Variants in R3HDM4 observed in about 807,000 individuals in gnomAD.
R3HDM4 encodes R3H domain-containing protein 4.
R3HDM4 carries 30 observed loss-of-function variants against 31.3 expected under a neutral mutation model. That is an observed-to-expected ratio of 0.96 (90% CI 0.72 to 1.30). The LOEUF is 1.30. Among genes scored for constraint, R3HDM4 ranks in the 50% most tolerant of loss-of-function variants. The pLI, the probability that R3HDM4 is intolerant of heterozygous loss-of-function variation, is 0.00. For synonymous variants in R3HDM4, 196 were observed against 156.6 expected (o/e 1.25, Z -1.88); for missense variants, 444 against 366.1 (o/e 1.21, Z -1.74).
chr19:900,037 G>T (rs756530864), intron 5 of R3HDM4, 24 bp downstream of exon 5: 99 of 1,608,866 alleles, frequency 6.2e-5, no homozygotes, highest in Middle Eastern at 5.0e-4. Context: ...GTAGAAAAGG[G>T]AGGCCCGGCA....
intron 7 of R3HDM4, among the ~76,000 whole-genome samples, chr19:898,375 A>C (rs2036771635): frequency 7.1e-6 from 1 of 140,588 alleles, no homozygotes; most frequent in Admixed American, 7.3e-5. Context: ...ACTGCACTCC[A>C]GCATGGGTGA....
At chr19:909,291 G>C (rs1362105589) in intron 1 of R3HDM4, among the ~76,000 whole-genome samples, 1 of 152,158 alleles carries the variant, frequency 6.6e-6, no homozygotes, top group Non-Finnish European at 1.5e-5. Context: ...ACCCACTAGA[G>C]ACAGCAAGAG....
At chr19:900,433 C>G (rs2036813069) in intron 4 of R3HDM4, among the ~76,000 whole-genome samples, 1 of 150,344 alleles carries the variant, frequency 6.7e-6, no homozygotes, top group African/African-American at 2.5e-5. Context: ...GCTAGCCCCA[C>G]CCCTACCCAC....
chr19:900,834 C>G lies in R3HDM4; in HGVS notation c.470G>C (p.Arg157Thr). The G allele has an allele frequency of 3.2e-6, 5 of 1,540,862 alleles. No individual in the cohort carries two copies. The highest frequency in any genetic ancestry group is 4.4e-6 in the Non-Finnish European group (5 of 1,144,204). The change falls in exon 4 of 8, where the codon AGG becomes ACG. Residue 157 changes from arginine (R) to threonine (T), a missense_variant. By Grantham distance (71) the Arg-to-Thr change is moderately conservative. Transcript: ENST00000361574. ...RRGPGRGEDR[R>T]REDPAYTPRE... Reference sequence around the variant, plus strand: ...CGCCCCAGCCAGGCCCGCACCTCTCCTCCGGTCCTCCCCACGGCCAGGGCC... The same window carrying G: ...CGCCCCAGCCAGGCCCGCACCTCTCGTCCGGTCCTCCCCACGGCCAGGGCC...
intron 3 of R3HDM4, 195 bp downstream of exon 3, chr19:901,227 G>A (rs886899281): frequency 1.5e-6 from 1 of 686,228 alleles, no homozygotes; most frequent in African/African-American, 1.8e-5. Flanking sequence ...GGTGAATCCA[G>A]GAGCTCGAAG....
At chr19:912,432 T>G (rs1228990619) in intron 1 of R3HDM4, among the ~76,000 whole-genome samples, 2 of 62,236 alleles carry the variant, frequency 3.2e-5, no homozygotes, top group Non-Finnish European at 5.8e-5. Flanking sequence ...ACCAGGGAGT[T>G]GGGGGGTGGA....
At chr19:910,757 G>A (rs2036960949) in intron 1 of R3HDM4, among the ~76,000 whole-genome samples, 1 of 152,134 alleles carries the variant, frequency 6.6e-6, no homozygotes, top group Non-Finnish European at 1.5e-5. Context: ...AGATGGGTAT[G>A]GCCTCTGAGT....
rs754932134 is a variant in R3HDM4 at position 899,349 on chromosome 19, C to T, written c.703+91G>A. 2 of 1,360,378 alleles carry T rather than the reference C, an allele frequency of 1.5e-6. No homozygotes were observed. Among genetic ancestry groups the T allele is most frequent in the Non-Finnish European group, 1.0e-6 (1 of 955,354 alleles). 84.3% of individuals were successfully genotyped at this position (1,360,378 alleles called of 1,614,324 possible). On this transcript the variant is annotated intron_variant, in intron 7 of 7. Transcript: ENST00000361574. This position sits in a 1 kb window ranked among gnomAD's most constrained non-coding sequence, Gnocchi z 6.8. ...CCCCCTTCCCCACCTCCCCACCAAG[C>T]CCCACTCTGAGGAACCAGGCCCCTG...
In R3HDM4 at chr19:900,967, G is replaced by C. The variant is rs2036828423; in HGVS notation, c.352-15C>G. The C allele has an allele frequency of 6.4e-7, 1 of 1,557,030 alleles. No individual in the cohort carries two copies. Among genetic ancestry groups the C allele is most frequent in the African/African-American group, 1.4e-5 (1 of 72,788 alleles). On this transcript the variant is annotated splice_polypyrimidine_tract_variant and intron_variant, in intron 3 of 7. Coordinates refer to ENST00000361574, the MANE Select transcript of R3HDM4 (RefSeq NM_138774.4). ...TCGTTCCAGACCTGGAAGAGAGGCAGGGAGGCAGGCTTGCCATGAAACACT... is the reference window on the plus strand; with the variant it reads ...TCGTTCCAGACCTGGAAGAGAGGCACGGAGGCAGGCTTGCCATGAAACACT...
chr19:902,065 C>G lies in R3HDM4; in HGVS notation c.137G>C (p.Arg46Pro), dbSNP rs141684950. Residue 46 changes from arginine to proline, a missense_variant, in exon 2 of 8, where the codon CGG (arginine) becomes CCG (proline). By Grantham distance (103) the Arg-to-Pro change is moderately radical. Coordinates refer to ENST00000361574, the MANE Select transcript of R3HDM4 (RefSeq NM_138774.4). The stretch of plus-strand genomic sequence containing the variant: ...TGCCTGGTTGATGAAGTGCTGTTTC[C>G]GCCTGGAAGCCGAGAGTCTCTTCAC... The part of the protein sequence containing the change: ...SQVKRLSASR[R>P]KQHFINQAVR... The G allele has an allele frequency of 1.2e-5, 19 of 1,613,756 alleles. No individual in the cohort carries two copies. The highest frequency in any genetic ancestry group is 1.6e-5 in the Non-Finnish European group (19 of 1,180,024).
intron 1 of R3HDM4, among the ~76,000 whole-genome samples, chr19:911,820 T>A (rs2036974468): frequency 6.6e-6 from 1 of 151,968 alleles, no homozygotes; most frequent in Non-Finnish European, 1.5e-5. Context: ...ACGCGCGGGC[T>A]CCTGCTTGCC....
Position 913,067 on chromosome 19 carries a change from CCCCG to C in R3HDM4, c.71+16_71+19del. The stretch of plus-strand genomic sequence containing the variant: ...CAGCCCGCCCCCGGCGCCCGCCGCG[CCCCG>C]CCCGCCCGCGCTCACAGCAGCCGCC... On this transcript the variant is annotated intron_variant, in intron 1 of 7. Coordinates refer to ENST00000361574, the MANE Select transcript of R3HDM4 (RefSeq NM_138774.4). This position sits in a 1 kb window ranked among gnomAD's most constrained non-coding sequence, Gnocchi z 5.0. 1.6e-5 allele frequency: 16 copies of C among 1,024,146 alleles called. No homozygotes were observed. Among genetic ancestry groups the C allele is most frequent in the Non-Finnish European group, 1.5e-5 (13 of 852,710 alleles). The allele number at this position is 1,024,146 out of a possible 1,614,324, so 63.4% of individuals were successfully genotyped here. A position where few individuals can be genotyped will look rare whatever the true frequency, so the allele number is the denominator to read the frequency against.
At chr19:905,919 G>A (rs2036898195) in intron 1 of R3HDM4, among the ~76,000 whole-genome samples, 1 of 152,180 alleles carries the variant, frequency 6.6e-6, no homozygotes, top group African/African-American at 2.4e-5. Context: ...GCCCAGGCAA[G>A]CCTGGCAACT....
At chr19:903,221 T>C (rs1412959983) in intron 1 of R3HDM4, among the ~76,000 whole-genome samples, 1 of 140,778 alleles carries the variant, frequency 7.1e-6, no homozygotes, top group African/African-American at 2.5e-5. Flanking sequence ...CTCAAGGTGA[T>C]GCCTCAGCCC....
intron 1 of R3HDM4, among the ~76,000 whole-genome samples, chr19:909,911 G>A (rs2036950798): frequency 6.6e-6 from 1 of 152,198 alleles, no homozygotes; most frequent in Admixed American, 6.5e-5. Flanking sequence ...TTACGTGGGT[G>A]CAGTGGCTCA....
Position 902,045 on chromosome 19 carries a change from G to C in R3HDM4, c.157C>G (p.Gln53Glu), listed in dbSNP as rs1454894350. The change falls in exon 2 of 8, where the codon CAG becomes GAG. Residue 53 changes from glutamine to glutamate, a missense_variant. Transcript: ENST00000361574. ...ASRRKQHFIN[Q>E]AVRNSDLVPK... ...ACGAGGTCTGAGTTCCGCACTGCCT[G>C]GTTGATGAAGTGCTGTTTCCGCCTG... 6.2e-7 allele frequency: 1 copy of C among 1,613,948 alleles called. No individual in the cohort carries two copies. The highest frequency in any genetic ancestry group is 8.5e-7 in the Non-Finnish European group (1 of 1,180,010).
chr19:908,227 C>T (rs1406062016), intron 1 of R3HDM4, among the ~76,000 whole-genome samples: 2 of 151,820 alleles, frequency 1.3e-5, no homozygotes, highest in African/African-American at 2.4e-5. Context: ...AACAAAAAAA[C>T]ATCTGGCCTC....
rs536634764 is a variant in R3HDM4 at position 908,477 on chromosome 19, G to A, written c.71+4610C>T. ...ACAAAAAAATTATCTGGGCATAGTGGTGGGCGCCTGTGGTCCCAGCTACTC... is the reference window on the plus strand; with the variant it reads ...ACAAAAAAATTATCTGGGCATAGTGATGGGCGCCTGTGGTCCCAGCTACTC... On this transcript the variant is annotated intron_variant, in intron 1 of 7. Transcript: ENST00000361574. Among the ~76,000 whole-genome samples the A allele has an allele frequency of 1.2e-3, 181 of 151,998 alleles. 1 individual carries two copies. Among genetic ancestry groups the A allele is most frequent in the African/African-American group, 4.1e-3 (170 of 41,444 alleles).
chr19:912,621 G>C (rs2036992211), intron 1 of R3HDM4, among the ~76,000 whole-genome samples: 1 of 118,344 alleles, frequency 8.4e-6, no homozygotes, highest in African/African-American at 3.3e-5. Context: ...CCCGGGAAGT[G>C]GGGGCGCGGA....
Sources: allele counts gnomAD v4.1 joint callset (sites outside exome capture counted in the v4.1 genomes callset), GRCh38; gene constraint gnomAD v4.1.1; non-coding constraint Gnocchi (gnomAD v3.1); transcripts MANE v1.5; gene names NCBI Gene and HGNC (gene_info 2026-07-23, HGNC 2026-07-21).